The following GALM variants were observed in gnomAD, a reference collection of about 807,000 sequenced individuals.
GALM encodes aldose 1-epimerase.
In GALM, 43 loss-of-function variants were observed where a neutral mutation model predicts 37.4. The observed-to-expected ratio is 1.15, with a 90% CI of 0.90 to 1.48. GALM has a LOEUF of 1.48. GALM is among the 40% of genes most tolerant of loss of function. The pLI is 0.00. For missense variants in GALM, 456 were observed against 419.1 expected (o/e 1.09, Z -0.77); for synonymous variants, 199 against 170.6 (o/e 1.17, Z -1.30).
At chr2:38,732,181 C>A (rs546216926) in intron 6 of GALM, among the ~76,000 whole-genome samples, 1 of 152,272 alleles carries the variant, frequency 6.6e-6, no homozygotes, top group African/African-American at 2.4e-5. Flanking sequence ...CCCAGCCTTC[C>A]AAGTAGCTAG....
chr2:38,729,470 G>A, intron 4 of GALM, 86 bp from the exon 5 acceptor site: 1 of 1,232,148 alleles, frequency 8.1e-7, no homozygotes, highest in Non-Finnish European at 1.1e-6. Context: ...GGCGGAGAGA[G>A]TAGAACCAGT....
intron 2 of GALM, among the ~76,000 whole-genome samples, chr2:38,680,865 G>A (rs1665376941): frequency 6.6e-6 from 1 of 152,192 alleles, no homozygotes; most frequent in East Asian, 1.9e-4. Context: ...ACCAGGTGCG[G>A]TGGCTCATGC....
chr2:38,682,341 A>T (rs1416232031), intron 3 of GALM: 2 of 422,038 alleles, frequency 4.7e-6, no homozygotes, highest in African/African-American at 4.0e-5. Flanking sequence ...TATCTGAAGA[A>T]CTCATCATTG....
chr2:38,707,037 G>A (rs939840691), intron 4 of GALM, among the ~76,000 whole-genome samples: 6 of 151,478 alleles, frequency 4.0e-5, no homozygotes, highest in East Asian at 3.9e-4. Flanking sequence ...TGATGACCCC[G>A]GGACTCTAGA....
In GALM at chr2:38,666,292, A is replaced by T; in HGVS notation, c.131A>T (p.Glu44Val). 6.2e-7 allele frequency: 1 copy of T among 1,614,000 alleles called. No homozygotes were observed. Among genetic ancestry groups the T allele is most frequent in the Non-Finnish European group, 8.5e-7 (1 of 1,179,932 alleles). ...TGGGGCTGCACGATCACAGCCCTAG[A>T]GGTCAAAGACAGGCAGGGGAGAGCC... ...ISWGCTITALEVKDRQGRASD... is the reference protein window; with the variant it reads ...ISWGCTITALVVKDRQGRASD... Residue 44 changes from glutamate to valine, a missense_variant, in exon 1 of 7, where the codon GAG (glutamate) becomes GTG (valine). Glu to Val is a moderately radical substitution (Grantham distance 121). Transcript: ENST00000272252.
chr2:38,685,644 C>G (rs17023042), intron 3 of GALM, among the ~76,000 whole-genome samples: 4,341 of 152,228 alleles, frequency 0.029, 201 homozygotes, highest in African/African-American at 0.098. Context: ...CAGTAATATT[C>G]CACCAGAGTA....
intron 4 of GALM, among the ~76,000 whole-genome samples, chr2:38,699,000 G>A (rs1245879964): frequency 1.3e-5 from 2 of 152,114 alleles, no homozygotes; most frequent in Admixed American, 6.6e-5. Flanking sequence ...TGCAACCTCC[G>A]CCTCCTGGGT....
intron 1 of GALM, among the ~76,000 whole-genome samples, chr2:38,675,541 T>TGTGTGTGTG (rs1227244134): frequency 3.0e-5 from 2 of 65,582 alleles, no homozygotes; most frequent in South Asian, 7.4e-4. Flanking sequence ...TTTTTTTTTT[T>TGTGTGTGTG]TTTGTGTGTG....
intron 3 of GALM, among the ~76,000 whole-genome samples, chr2:38,685,773 A>G (rs1027474969): frequency 1.3e-5 from 2 of 151,832 alleles, no homozygotes; most frequent in African/African-American, 4.8e-5. Flanking sequence ...GCTGGAGTGC[A>G]GTGGCGCAAT....
intron 1 of GALM, 139 bp downstream of exon 1, chr2:38,666,490 T>C: frequency 1.6e-6 from 1 of 632,264 alleles, no homozygotes; most frequent in East Asian, 2.9e-5. Context: ...TGCAAGCGCA[T>C]GCATCATAGA....
At position 38,729,670 on chromosome 2, in the gene GALM, G is replaced by T; in HGVS notation, c.749G>T (p.Gly250Val). The T allele has an allele frequency of 6.2e-7, 1 of 1,613,398 alleles. No individual in the cohort carries two copies. The highest frequency in any genetic ancestry group is 1.3e-5 in the African/African-American group (1 of 75,000). ...NGFDHNFCLK[G>V]SKEKHFCARV... ...TTTGACCACAATTTCTGTCTGAAGG[G>T]ATCTAAAGAAAAGCATTTTTGTGCA... Residue 250 changes from glycine to valine, a missense_variant, in exon 5 of 7, where the codon GGA (glycine) becomes GTA (valine). Physicochemically the swap from Gly to Val is moderately radical, Grantham distance 109 (BLOSUM62 -3). Coordinates refer to ENST00000272252, the MANE Select transcript of GALM (RefSeq NM_138801.3).
At chr2:38,678,711 CT>C (rs1665319306) in intron 2 of GALM, among the ~76,000 whole-genome samples, 3 of 152,200 alleles carry the variant, frequency 2.0e-5, no homozygotes, top group African/African-American at 7.2e-5. Flanking sequence ...GCTGCCTTCA[CT>C]GTAGGTGAAG....
At chr2:38,716,873 C>A (rs1666279400) in intron 4 of GALM, among the ~76,000 whole-genome samples, 3 of 152,072 alleles carry the variant, frequency 2.0e-5, no homozygotes, top group Non-Finnish European at 4.4e-5. Context: ...AACAAACAAA[C>A]AAAAAACAGA....
intron 4 of GALM, among the ~76,000 whole-genome samples, chr2:38,703,094 T>TATA (rs1558588767): frequency 4.9e-4 from 4 of 8,100 alleles, no homozygotes; most frequent in Admixed American, 2.4e-3. Context: ...ATATATATAT[T>TATA]TTTTTTTTTT....
At chr2:38,693,398 G>A (rs769564554) in intron 4 of GALM, among the ~76,000 whole-genome samples, 3 of 150,930 alleles carry the variant, frequency 2.0e-5, no homozygotes, top group Admixed American at 6.7e-5. Context: ...CAGGAGAATC[G>A]CTTGAACCCA....
At chr2:38,699,752 C>T (rs1665879367) in intron 4 of GALM, among the ~76,000 whole-genome samples, 1 of 152,132 alleles carries the variant, frequency 6.6e-6, no homozygotes, top group South Asian at 2.1e-4. Flanking sequence ...GTTCACCTCG[C>T]TGTTGAGTTC....
At chr2:38,729,773 C>A in intron 5 of GALM, 76 bp downstream of exon 5, 1 of 1,237,922 alleles carries the variant, frequency 8.1e-7, no homozygotes, top group Non-Finnish European at 1.2e-6. Flanking sequence ...AGCTTTTCCT[C>A]TGGCCATATC....
At chr2:38,669,301 G>A (rs930626728) in intron 1 of GALM, 8 of 152,246 alleles carry the variant, frequency 5.3e-5, no homozygotes, top group Admixed American at 1.3e-4. Context: ...GAAAAGCAGT[G>A]TGAAAATCCC....
intron 4 of GALM, among the ~76,000 whole-genome samples, chr2:38,716,276 C>T (rs192262767): frequency 9.2e-5 from 14 of 152,322 alleles, no homozygotes; most frequent in East Asian, 5.8e-4. Flanking sequence ...TTGTTGTGTA[C>T]GTGTTCAAGA....
Sources: allele counts gnomAD v4.1 joint callset (sites outside exome capture counted in the v4.1 genomes callset), GRCh38; gene constraint gnomAD v4.1.1; transcripts MANE v1.5; gene names NCBI Gene and HGNC (gene_info 2026-07-23, HGNC 2026-07-21).